The following PCCA variants were observed in gnomAD, a reference collection of about 807,000 sequenced individuals.
The protein encoded by PCCA is propionyl-CoA carboxylase alpha chain, mitochondrial.
In PCCA, 74 loss-of-function variants were observed where a neutral mutation model predicts 101.3. The observed-to-expected ratio is 0.73, with a 90% CI of 0.61 to 0.89. The LOEUF (loss-of-function observed/expected upper bound fraction) is 0.89. Among genes scored for constraint, PCCA ranks in the 40% least tolerant of loss-of-function variants. The probability of loss-of-function intolerance (pLI) is 0.00; values close to 1 mark genes in which losing one functional copy is unlikely to be tolerated. For missense variants in PCCA, 891 were observed against 907.0 expected (o/e 0.98, Z 0.23); for synonymous variants, 294 against 313.6 (o/e 0.94, Z 0.66).
chr13:100,251,895 A>C (rs1383753043), intron 8 of PCCA, among the ~76,000 whole-genome samples: 4 of 152,226 alleles, frequency 2.6e-5, no homozygotes, highest in African/African-American at 9.6e-5. Context: ...ATTCTATCAA[A>C]CAACCACCCT....
intron 6 of PCCA, among the ~76,000 whole-genome samples, chr13:100,189,061 C>T (rs532487433): frequency 9.9e-5 from 15 of 152,066 alleles, no homozygotes; most frequent in East Asian, 1.9e-4. Context: ...TGACAGGCCC[C>T]GGTGTGTGAT....
intron 19 of PCCA, among the ~76,000 whole-genome samples, chr13:100,386,933 T>TA (rs534194687): frequency 1.3e-5 from 2 of 152,094 alleles, no homozygotes; most frequent in Non-Finnish European, 2.9e-5. Context: ...CTATTTTTTT[T>TA]AAAAAACATT....
chr13:100,417,339 G>A (rs927032697), intron 19 of PCCA, among the ~76,000 whole-genome samples: 3 of 152,154 alleles, frequency 2.0e-5, no homozygotes, highest in Admixed American at 2.0e-4. Context: ...CGGTGGAATG[G>A]TGAGGCATAT....
intron 8 of PCCA, among the ~76,000 whole-genome samples, chr13:100,247,810 C>T (rs986283180): frequency 2.0e-5 from 3 of 152,144 alleles, no homozygotes; most frequent in African/African-American, 7.2e-5. Context: ...GTCACCACAT[C>T]CAGCCTTTTT....
At chr13:100,107,723 A>G (rs1050976518) in intron 2 of PCCA, among the ~76,000 whole-genome samples, 5 of 152,192 alleles carry the variant, frequency 3.3e-5, no homozygotes, top group African/African-American at 1.2e-4. Flanking sequence ...TCTTATTTGT[A>G]AAACGGAGAT....
intron 19 of PCCA, among the ~76,000 whole-genome samples, chr13:100,416,553 T>A (rs1276446286): frequency 6.7e-6 from 1 of 149,214 alleles, no homozygotes; most frequent in East Asian, 2.0e-4. Context: ...TTTTTTTTTT[T>A]ATGGAGTCTT....
At chr13:100,360,425 C>T (rs1174442016) in intron 18 of PCCA, among the ~76,000 whole-genome samples, 1 of 152,120 alleles carries the variant, frequency 6.6e-6, no homozygotes, top group Non-Finnish European at 1.5e-5. Context: ...TCCTACCACA[C>T]AGGAAAGTTA....
At chr13:100,145,582 G>T (rs551504779) in intron 4 of PCCA, among the ~76,000 whole-genome samples, 2 of 152,112 alleles carry the variant, frequency 1.3e-5, no homozygotes, top group Admixed American at 1.3e-4. Context: ...TAGGTATAAC[G>T]GTAGGGCGCA....
chr13:100,430,376 T>C (rs1481076830), intron 20 of PCCA, among the ~76,000 whole-genome samples: 1 of 152,224 alleles, frequency 6.6e-6, no homozygotes, highest in Non-Finnish European at 1.5e-5. Flanking sequence ...ATTATGAGTT[T>C]TAAATTGATC....
chr13:100,500,303 AT>A (rs147509273), intron 21 of PCCA, among the ~76,000 whole-genome samples: 12,971 of 152,176 alleles, frequency 0.085, 774 homozygotes, highest in Middle Eastern at 0.17. Flanking sequence ...TCTGGCGCTT[AT>A]ATTTTGTTAT....
At chr13:100,386,848 C>G (rs2076536188) in intron 19 of PCCA, among the ~76,000 whole-genome samples, 1 of 152,168 alleles carries the variant, frequency 6.6e-6, no homozygotes, top group African/African-American at 2.4e-5. Context: ...GACTCCATAA[C>G]AAGTGAGAAG....
chr13:100,209,570 A>ACG, intron 7 of PCCA, 107 bp downstream of exon 7: 1 of 827,182 alleles, frequency 1.2e-6, no homozygotes, highest in South Asian at 1.4e-5. Flanking sequence ...ACACACACAC[A>ACG]CACACATATG....
At chr13:100,477,327 A>G (rs1566412867) in intron 21 of PCCA, 1 of 152,154 alleles carries the variant, frequency 6.6e-6, no homozygotes, top group African/African-American at 2.4e-5. Context: ...AGTTTTATTT[A>G]CCTTTAGGAG....
intron 20 of PCCA, among the ~76,000 whole-genome samples, chr13:100,440,156 T>TATATATATATA (rs2080238072): frequency 1.1e-5 from 1 of 92,846 alleles, no homozygotes; most frequent in Non-Finnish European, 2.2e-5. Flanking sequence ...GAGTATTAAA[T>TATATATATATA]TATATATATA....
At chr13:100,387,845 A>AT (rs1267306865) in intron 19 of PCCA, among the ~76,000 whole-genome samples, 1 of 152,224 alleles carries the variant, frequency 6.6e-6, no homozygotes, top group Admixed American at 6.5e-5. Context: ...TGAATGACTC[A>AT]GTCATGGTGT....
chr13:100,106,622 C>T (rs1288041477), intron 2 of PCCA, among the ~76,000 whole-genome samples: 1 of 152,042 alleles, frequency 6.6e-6, no homozygotes. Context: ...ACCATGTTGG[C>T]CAGGCTGGTC....
At chr13:100,472,088 C>A (rs999630086) in intron 21 of PCCA, among the ~76,000 whole-genome samples, 1 of 152,152 alleles carries the variant, frequency 6.6e-6, no homozygotes, top group Non-Finnish European at 1.5e-5. Flanking sequence ...CTTTTATATA[C>A]CTGCTGATGG....
In PCCA at chr13:100,094,041, C is replaced by T. The variant is rs142585812; in HGVS notation, c.105+4816C>T. On this transcript the variant is annotated intron_variant, in intron 1 of 23. Transcript: ENST00000376285. ...GTCGGGAGTTCAAGACCAGCCTGAC[C>T]AACATGGAGAAATCCCGTCTCTACT... Among the ~76,000 whole-genome samples, 929 of 151,942 alleles carry T rather than the reference C, an allele frequency of 6.1e-3. 5 individuals carry two copies. Among genetic ancestry groups the T allele is most frequent in the Non-Finnish European group, 8.3e-3 (562 of 67,958 alleles).
intron 20 of PCCA, among the ~76,000 whole-genome samples, chr13:100,431,016 G>C (rs1037786312): frequency 6.6e-6 from 1 of 152,172 alleles, no homozygotes; most frequent in Non-Finnish European, 1.5e-5. Context: ...AGGCTAAATT[G>C]CTTTCCCATC....
Sources: gnomAD v4.1 joint callset for allele counts (sites outside exome capture counted in the v4.1 genomes callset) on GRCh38, gnomAD v4.1.1 for gene constraint, MANE v1.5 for transcripts, NCBI Gene and HGNC (gene_info 2026-07-23, HGNC 2026-07-21) for gene names.